The following GPR158 variants were observed in gnomAD, a reference collection of about 807,000 sequenced individuals.
The protein encoded by GPR158 is G protein-coupled receptor 158.
A neutral mutation model predicts 78.2 loss-of-function variants in GPR158; 30 were observed. The observed-to-expected ratio is 0.38, with a 90% CI of 0.29 to 0.52. GPR158 has a LOEUF of 0.52. GPR158 is among the 20% of genes least tolerant of loss of function. GPR158 has a pLI of 0.83. For synonymous variants in GPR158, 581 were observed against 591.1 expected, an observed-to-expected ratio of 0.98 and a Z score of 0.25; for missense variants, 1,463 against 1,523.5, an observed-to-expected ratio of 0.96 and a Z score of 0.66.
chr10:25,336,414 A>ACAACC (rs1315705706), intron 2 of GPR158, among the ~76,000 whole-genome samples: 3 of 152,018 alleles, frequency 2.0e-5, no homozygotes, highest in Non-Finnish European at 4.4e-5. Flanking sequence ...TGCCTCTCTG[A>ACAACC]CAACCATCTT....
At chr10:25,506,519 G>A (rs1011897312) in intron 5 of GPR158, among the ~76,000 whole-genome samples, 2 of 152,150 alleles carry the variant, frequency 1.3e-5, no homozygotes, top group Non-Finnish European at 2.9e-5. Flanking sequence ...GAAACAATAG[G>A]CACTGTTAAC....
Position 25,283,603 on chromosome 10 carries a change from T to C in GPR158, c.1008+62446T>C, listed in dbSNP as rs148426330. On this transcript the variant is annotated intron_variant, in intron 2 of 10. Transcript: ENST00000376351. ...TGTTGATTTTCTGTATTATTTTGTT[T>C]TTCCAATTTCATTGATTTTTGCTCA... 5.8e-3 allele frequency among the ~76,000 whole-genome samples: 883 copies of C among 152,044 alleles called. 11 individuals are homozygous for C. The highest frequency in any genetic ancestry group is 0.019 in the African/African-American group (794 of 41,538).
intron 2 of GPR158, among the ~76,000 whole-genome samples, chr10:25,361,513 C>G (rs1277583824): frequency 6.6e-6 from 1 of 151,950 alleles, no homozygotes; most frequent in Non-Finnish European, 1.5e-5. Flanking sequence ...AACCTTCTTA[C>G]TGTTTCCCAT....
chr10:25,325,478 C>T (rs1855017347), intron 2 of GPR158, among the ~76,000 whole-genome samples: 1 of 151,948 alleles, frequency 6.6e-6, no homozygotes, highest in Admixed American at 6.6e-5. Flanking sequence ...TACACACACA[C>T]ACACACACAC....
chr10:25,255,155 A>G (rs1853874066), intron 2 of GPR158, among the ~76,000 whole-genome samples: 1 of 152,214 alleles, frequency 6.6e-6, no homozygotes, highest in African/African-American at 2.4e-5. Context: ...TTTTACTGAG[A>G]GCAACACAAA....
At chr10:25,576,440 C>T (rs1353644420) in intron 7 of GPR158, among the ~76,000 whole-genome samples, 1 of 152,138 alleles carries the variant, frequency 6.6e-6, no homozygotes, top group Admixed American at 6.5e-5. Context: ...TGCTCTCCTC[C>T]AGAGAGAAAA....
rs892002509 is a variant in GPR158 at position 25,175,083 on chromosome 10, A to C, written c.-338A>C. ...CCTCAATGAGAGCGGCGGTGGCGGC[A>C]GCCGGGCCGAGAGACGGACTCGGGC... On this transcript the variant is annotated 5_prime_UTR_variant, in exon 1 of 11. Coordinates refer to ENST00000376351, the MANE Select transcript of GPR158 (RefSeq NM_020752.3). The surrounding 1 kb of genome is among the most constrained non-coding windows in gnomAD (Gnocchi z 6.4). 2.2e-5 allele frequency: 5 copies of C among 231,160 alleles called. No individual in the cohort carries two copies. Among genetic ancestry groups the C allele is most frequent in the African/African-American group, 1.1e-4 (5 of 43,538 alleles). 14.3% of individuals were successfully genotyped at this position (231,160 alleles called of 1,614,324 possible). A position where few individuals can be genotyped will look rare whatever the true frequency, so the allele number is the denominator to read the frequency against.
At chr10:25,457,182 A>G (rs1342669286) in intron 4 of GPR158, among the ~76,000 whole-genome samples, 1 of 109,208 alleles carries the variant, frequency 9.2e-6, no homozygotes, top group African/African-American at 3.6e-5. Context: ...TTTAGTAGAG[A>G]TGGGATTTCA....
chr10:25,472,805 G>C (rs1203360174), intron 5 of GPR158, among the ~76,000 whole-genome samples: 2 of 152,212 alleles, frequency 1.3e-5, no homozygotes, highest in Admixed American at 6.5e-5. Context: ...CATTGATTTT[G>C]TATCCTGAGA....
intron 1 of GPR158, among the ~76,000 whole-genome samples, chr10:25,210,764 T>G (rs895615211): frequency 3.2e-4 from 48 of 152,236 alleles, no homozygotes; most frequent in African/African-American, 1.0e-3. Context: ...ATTATATCCT[T>G]GTAAATTTTA....
In GPR158 at chr10:25,516,619, A is replaced by G. The variant is rs1456070646; in HGVS notation, c.1405-34357A>G. On this transcript the variant is annotated intron_variant, in intron 5 of 10. Transcript: ENST00000376351. ...GCCAGTTTTCCCAGCACCATTTATTAAATAGGGAATCCTTTCCCCATTGCT... is the reference window on the plus strand; with the variant it reads ...GCCAGTTTTCCCAGCACCATTTATTGAATAGGGAATCCTTTCCCCATTGCT... 2.1e-3 allele frequency among the ~76,000 whole-genome samples: 256 copies of G among 123,870 alleles called. 1 individual carries two copies. The highest frequency in any genetic ancestry group is 7.9e-3 in the African/African-American group (240 of 30,282). The allele number at this position is 123,870 out of a possible 152,430, so 81.3% of individuals were successfully genotyped here.
At chr10:25,596,012 A>G (rs1479717910) in intron 9 of GPR158, among the ~76,000 whole-genome samples, 1 of 152,202 alleles carries the variant, frequency 6.6e-6, no homozygotes, top group East Asian at 1.9e-4. Flanking sequence ...CATGGTACTT[A>G]TAATCTGGGG....
In GPR158 at chr10:25,518,208, T is replaced by C. The variant is rs201876862; in HGVS notation, c.1405-32768T>C. On this transcript the variant is annotated intron_variant, in intron 5 of 10. Coordinates refer to ENST00000376351, the MANE Select transcript of GPR158 (RefSeq NM_020752.3). The stretch of plus-strand genomic sequence containing the variant: ...ATGGTAGTTTGTATTTCTGTGGGAT[T>C]GGTGGTGATATCCCCTTTATCATTT... Among the ~76,000 whole-genome samples the C allele has an allele frequency of 0.012, 843 of 68,010 alleles. 105 individuals carry two copies. In the East Asian group the frequency reaches 0.14, roughly 11 times the overall value. 44.6% of individuals were successfully genotyped at this position (68,010 alleles called of 152,430 possible). A position where few individuals can be genotyped will look rare whatever the true frequency, so the allele number is the denominator to read the frequency against.
intron 2 of GPR158, among the ~76,000 whole-genome samples, chr10:25,277,467 CA>C (rs1438438216): frequency 2.0e-5 from 3 of 147,632 alleles, no homozygotes; most frequent in Non-Finnish European, 4.5e-5. Flanking sequence ...GGGAAAAAAG[CA>C]AAAGAGAGAG....
At chr10:25,316,887 TTGTGTGTGTGTG>T in intron 2 of GPR158, among the ~76,000 whole-genome samples, 1 of 127,244 alleles carries the variant, frequency 7.9e-6, no homozygotes, top group Middle Eastern at 3.9e-3. Context: ...ATGTATGTAT[TTGTGTGTGTGTG>T]TGTGTGTGTG....
chr10:25,222,526 A>G (rs1468857442), intron 2 of GPR158, among the ~76,000 whole-genome samples: 1 of 151,926 alleles, frequency 6.6e-6, no homozygotes, highest in Non-Finnish European at 1.5e-5. Context: ...AACTCACAAA[A>G]TTAAGCTCTT....
At chr10:25,221,704 A>G (rs1009311820) in intron 2 of GPR158, among the ~76,000 whole-genome samples, 2 of 152,228 alleles carry the variant, frequency 1.3e-5, no homozygotes, top group African/African-American at 4.8e-5. Flanking sequence ...TCTGGTTAAT[A>G]GGAAACAGGC....
At chr10:25,433,497 A>T (rs1834941076) in intron 4 of GPR158, among the ~76,000 whole-genome samples, 1 of 150,652 alleles carries the variant, frequency 6.6e-6, no homozygotes, top group Admixed American at 6.6e-5. Context: ...TAATGCCTGA[A>T]CTCAAGGAGC....
chr10:25,455,627 C>T (rs141172193), intron 4 of GPR158, among the ~76,000 whole-genome samples: 87 of 152,108 alleles, frequency 5.7e-4, no homozygotes, highest in African/African-American at 2.0e-3. Context: ...GAATTCTGTA[C>T]GGGTTAGTAT....
Sources: allele counts gnomAD v4.1 joint callset (sites outside exome capture counted in the v4.1 genomes callset), GRCh38; gene constraint gnomAD v4.1.1; non-coding constraint Gnocchi (gnomAD v3.1); transcripts MANE v1.5; gene names NCBI Gene and HGNC (gene_info 2026-07-23, HGNC 2026-07-21).